The following SLCO4A1 variants were observed in gnomAD, a reference collection of about 807,000 sequenced individuals.
SLCO4A1 encodes colon organic anion transporter.
In SLCO4A1, 51 loss-of-function variants were observed where a neutral mutation model predicts 64.6. The ratio of observed to expected loss-of-function variants is 0.79; its 90% confidence interval spans 0.63 to 1.00. The LOEUF (loss-of-function observed/expected upper bound fraction) is 1.00. Ranked by LOEUF, SLCO4A1 falls within the 50% of genes least tolerant of loss-of-function variation. The pLI is 0.00. For synonymous variants in SLCO4A1, 471 were observed against 444.9 expected, an observed-to-expected ratio of 1.06 and a Z score of -0.74; for missense variants, 919 against 980.5, an observed-to-expected ratio of 0.94 and a Z score of 0.84.
rs559448067 is a variant in SLCO4A1, at chr20:62,657,005, C to T, written c.551C>T (p.Ser184Leu). 93 of 1,575,264 alleles carry T rather than the reference C, an allele frequency of 5.9e-5. No individual in the cohort carries two copies. The Admixed American group carries it at 6.8e-4, about 11-fold the overall frequency. ...GWGVLLMGTG[S>L]LVFALPHFTA... ...GGCGTGCTGCTTATGGGCACGGGGT[C>T]GCTGGTGTTCGCGCTGCCCCACTTC... The change falls in exon 2 of 12, where the codon TCG becomes TTG. Residue 184 changes from serine (S) to leucine (L), a missense_variant. Transcript: ENST00000217159.
intron 11 of SLCO4A1, among the ~76,000 whole-genome samples, chr20:62,671,482 C>T (rs73145493): frequency 0.072 from 10,926 of 152,336 alleles, 479 homozygotes; most frequent in Non-Finnish European, 0.096. Flanking sequence ...TCACTGGTGT[C>T]TGGCACTGTT....
Position 62,661,039 on chromosome 20 carries a change from C to CCCCAGCG in SLCO4A1, c.1010-23_1010-22insCAGCGCC, listed in dbSNP as rs1337936164. On this transcript the variant is annotated intron_variant, in intron 4 of 11. Coordinates refer to ENST00000217159, the MANE Select transcript of SLCO4A1 (RefSeq NM_016354.4). This position sits in a 1 kb window ranked among gnomAD's most constrained non-coding sequence, Gnocchi z 5.2. ...CCTCCGGGAGCCCCCAGCCCCCAGC[C>CCCCAGCG]CCAGCTCACTCTGTGCCCTTCCAGG... 7.3e-7 allele frequency: 1 copy of CCCCAGCG among 1,363,916 alleles called. No individual in the cohort carries two copies. The highest frequency in any genetic ancestry group is 1.0e-6 in the Non-Finnish European group (1 of 955,434). 84.5% of individuals were successfully genotyped at this position (1,363,916 alleles called of 1,614,324 possible).
chr20:62,670,154 A>G (rs1177212131), intron 11 of SLCO4A1: 1 of 152,222 alleles, frequency 6.6e-6, no homozygotes, highest in East Asian at 1.9e-4. Context: ...CTTTGGGGAT[A>G]TTGGATACTA....
Position 62,672,174 on chromosome 20 carries a change from A to C in SLCO4A1, c.*281A>C, listed in dbSNP as rs1004081572. 5.3e-6 allele frequency: 7 copies of C among 1,331,932 alleles called. No individual in the cohort carries two copies. The African/African-American group carries it at 1.0e-4, about 20-fold the overall frequency. The allele number at this position is 1,331,932 out of a possible 1,614,324, so 82.5% of individuals were successfully genotyped here. On this transcript the variant is annotated 3_prime_UTR_variant, in exon 12 of 12. Transcript: ENST00000217159. Reference sequence around the variant, plus strand: ...CCGATCGTGTGTGGTGTGCGTGAGGACAAACTCCGCAGGGGCTGTGAATCC... The same window carrying C: ...CCGATCGTGTGTGGTGTGCGTGAGGCCAAACTCCGCAGGGGCTGTGAATCC...
chr20:62,666,153 C>G (rs572765184), intron 6 of SLCO4A1: 51 of 172,756 alleles, frequency 3.0e-4, no homozygotes, highest in African/African-American at 1.1e-3. Flanking sequence ...CTTCCCCTTC[C>G]CCTCTGAGGC....
At position 62,668,094 on chromosome 20, in the gene SLCO4A1, G is replaced by A. The variant is rs1986701001; in HGVS notation, c.1721G>A (p.Cys574Tyr). The A allele has an allele frequency of 3.7e-6, 6 of 1,613,976 alleles. No homozygotes were observed. The highest frequency in any genetic ancestry group is 5.1e-6 in the Non-Finnish European group (6 of 1,180,016). Residue 574 changes from cysteine to tyrosine, a missense_variant, in exon 9 of 12, where the codon TGT (cysteine) becomes TAT (tyrosine). Physicochemically the swap from Cys to Tyr is radical, Grantham distance 194 (BLOSUM62 -2). Coordinates refer to ENST00000217159, the MANE Select transcript of SLCO4A1 (RefSeq NM_016354.4). ...ACTGCAGGGAAATGCACTTCAACTT[G>A]TCAGAGAAAGCCCCTCCTTCTGGTT... Reference protein sequence around the residue: ...HATAGKCTSTCQRKPLLLVFI... With the variant: ...HATAGKCTSTYQRKPLLLVFI...
chr20:62,686,656 A>G (rs144165359), downstream of SLCO4A1, among the ~76,000 whole-genome samples: 27 of 152,372 alleles, frequency 1.8e-4, no homozygotes, highest in East Asian at 4.0e-3. Context: ...AGGTGAAAAG[A>G]AAAGGAGAGT....
chr20:62,673,647 T>C (rs1473176080), downstream of SLCO4A1, among the ~76,000 whole-genome samples: 1 of 144,550 alleles, frequency 6.9e-6, no homozygotes, highest in Non-Finnish European at 1.6e-5. Flanking sequence ...AGGGCTGCCC[T>C]GGCGGGAACC....
intron 1 of SLCO4A1, among the ~76,000 whole-genome samples, chr20:62,648,177 G>A (rs1414973310): frequency 3.3e-5 from 5 of 152,380 alleles, no homozygotes; most frequent in South Asian, 2.1e-4. Flanking sequence ...CCTCCCCTGC[G>A]GGGTTGTTGT....
At chr20:62,668,230 C>T in intron 9 of SLCO4A1, 46 bp downstream of exon 9, 2 of 1,599,810 alleles carry the variant, frequency 1.3e-6, no homozygotes, top group Non-Finnish European at 8.6e-7. Context: ...TTCCTTGCAG[C>T]ACCCTGAGGC....
downstream of SLCO4A1, among the ~76,000 whole-genome samples, chr20:62,690,155 C>T (rs1988182835): frequency 6.6e-6 from 1 of 152,208 alleles, no homozygotes. Context: ...TCGCATCGGC[C>T]ACCTCTCTGC....
At chr20:62,675,361 G>A (rs1439216275), downstream of SLCO4A1, among the ~76,000 whole-genome samples, 3 of 152,022 alleles carry the variant, frequency 2.0e-5, no homozygotes, top group Admixed American at 6.5e-5. Flanking sequence ...CCGGGCTGCC[G>A]GCCACCCACG....
rs960796255 is a variant in SLCO4A1 at position 62,668,493 on chromosome 20, C to T, written c.1828C>T (p.Gln610Ter). The stretch of plus-strand genomic sequence containing the variant: ...CTATTGCAGATGTGTCCGTGACCCT[C>T]AGAGATCCTTTGCCCTGGGAATCCA... ...TATLRCVRDP[Q>*]RSFALGIQWI... The change falls in exon 10 of 12, where the codon CAG (glutamine) becomes TAG (stop). Residue 610 changes from glutamine to a stop codon, truncating the protein, a stop_gained. Coordinates refer to ENST00000217159, the MANE Select transcript of SLCO4A1 (RefSeq NM_016354.4). LOFTEE classifies it high-confidence loss of function. 8.1e-6 allele frequency: 13 copies of T among 1,613,846 alleles called. No individual in the cohort carries two copies. Among genetic ancestry groups the T allele is most frequent in the Non-Finnish European group, 9.3e-6 (11 of 1,180,000 alleles).
chr20:62,654,956 C>T (rs1983369090), intron 1 of SLCO4A1, among the ~76,000 whole-genome samples: 1 of 152,202 alleles, frequency 6.6e-6, no homozygotes, highest in African/African-American at 2.4e-5. Context: ...GGGGAATGGT[C>T]TGCACATCCA....
chr20:62,670,852 C>G (rs971391447), intron 11 of SLCO4A1, among the ~76,000 whole-genome samples: 5 of 152,218 alleles, frequency 3.3e-5, no homozygotes, highest in Non-Finnish European at 5.9e-5. Context: ...TGTCCTGCAC[C>G]GAGTCAAAAC....
chr20:62,656,627 C>T lies in SLCO4A1; in HGVS notation c.173C>T (p.Pro58Leu), dbSNP rs758107647. Residue 58 changes from proline (P) to leucine (L), a missense_variant, in exon 2 of 12, where the codon CCC becomes CTC. Transcript: ENST00000217159. ...AHSPLDTSKQ[P>L]LCQLWAEKHG... is the part of the protein sequence containing the mutation. Reference sequence around the variant, plus strand: ...AGCCCCCTGGACACCAGCAAGCAGCCCCTCTGCCAGCTCTGGGCCGAGAAG... The same window carrying T: ...AGCCCCCTGGACACCAGCAAGCAGCTCCTCTGCCAGCTCTGGGCCGAGAAG... 1 of 1,601,202 alleles carries T rather than the reference C, an allele frequency of 6.2e-7. No individual in the cohort carries two copies. The highest frequency in any genetic ancestry group is 8.5e-7 in the Non-Finnish European group (1 of 1,175,104).
At chr20:62,686,915 A>AGGCACCCCCAAACAGGAGCAATGGGAAG (rs2147119690), downstream of SLCO4A1, among the ~76,000 whole-genome samples, 2 of 127,256 alleles carry the variant, frequency 1.6e-5, no homozygotes, top group Admixed American at 1.5e-4. Flanking sequence ...GCAATGGGAA[A>AGGCACCCCCAAACAGGAGCAATGGGAAG]GGCACCCCCA....
At chr20:62,664,308 G>A (rs1462206284) in intron 5 of SLCO4A1, among the ~76,000 whole-genome samples, 2 of 152,196 alleles carry the variant, frequency 1.3e-5, no homozygotes, top group African/African-American at 4.8e-5. Flanking sequence ...AGCCAGGTCC[G>A]TCTACCCAGG....
chr20:62,686,260 C>T (rs765399038), downstream of SLCO4A1, among the ~76,000 whole-genome samples: 16 of 152,228 alleles, frequency 1.1e-4, no homozygotes, highest in Non-Finnish European at 2.4e-4. Context: ...AGGACATTAT[C>T]TCCAAGCACC....
Sources: allele counts gnomAD v4.1 joint callset (sites outside exome capture counted in the v4.1 genomes callset), GRCh38; gene constraint gnomAD v4.1.1; non-coding constraint Gnocchi (gnomAD v3.1); transcripts MANE v1.5; gene names NCBI Gene and HGNC (gene_info 2026-07-23, HGNC 2026-07-21).